Variants in CENPW observed in about 807,000 individuals in gnomAD.
CENPW encodes cancer-up-regulated gene 2 protein.
A neutral mutation model predicts 11.1 loss-of-function variants in CENPW; 3 were observed. The observed-to-expected ratio is 0.27, with a 90% CI of 0.12 to 0.70. CENPW has a LOEUF of 0.70. Ranked by LOEUF, CENPW falls within the 30% of genes least tolerant of loss-of-function variation. The pLI is 0.77. For synonymous variants in CENPW, 38 were observed against 42.0 expected, an observed-to-expected ratio of 0.91 and a Z score of 0.37; for missense variants, 100 against 105.6, an observed-to-expected ratio of 0.95 and a Z score of 0.23.
the CENPW span, among the ~76,000 whole-genome samples, chr6:126,390,551 G>A: frequency 2.0e-5 from 3 of 151,620 alleles, no homozygotes; most frequent in Non-Finnish European, 3.0e-5. Flanking sequence ...TGAAATACTA[G>A]GTTTTATTCA....
At chr6:126,358,918 A>T in the CENPW span, among the ~76,000 whole-genome samples, 5 of 152,106 alleles carry the variant, frequency 3.3e-5, no homozygotes, top group South Asian at 1.0e-3. Context: ...GTACAATTTC[A>T]TTAAGTTCTT....
chr6:126,471,927 T>C, the CENPW span, among the ~76,000 whole-genome samples: 523 of 152,340 alleles, frequency 3.4e-3, 3 homozygotes, highest in Non-Finnish European at 5.9e-3. Context: ...ATGAATCTAA[T>C]GTCAGTTATT....
downstream of CENPW, among the ~76,000 whole-genome samples, chr6:126,349,455 C>G (rs1454475377): frequency 6.6e-6 from 1 of 152,042 alleles, no homozygotes; most frequent in Non-Finnish European, 1.5e-5. Context: ...TGTGTCCTAC[C>G]CTAGCACCAT....
At chr6:126,450,373 GGT>G in the CENPW span, among the ~76,000 whole-genome samples, 740 of 150,988 alleles carry the variant, frequency 4.9e-3, 6 homozygotes, top group African/African-American at 0.017. Context: ...TACCAAATCT[GGT>G]GAGAAACACT....
the CENPW span, among the ~76,000 whole-genome samples, chr6:126,412,071 C>G: frequency 7.4e-6 from 1 of 135,768 alleles, no homozygotes; most frequent in Non-Finnish European, 1.6e-5. Context: ...TCCCTCCCTC[C>G]TTTCTCTCTC....
chr6:126,417,931 C>G, the CENPW span, among the ~76,000 whole-genome samples: 1 of 152,044 alleles, frequency 6.6e-6, no homozygotes, highest in African/African-American at 2.4e-5. Flanking sequence ...ATAAGTAACT[C>G]AAATAATAAA....
chr6:126,364,340 A>G, the CENPW span, among the ~76,000 whole-genome samples: 3 of 152,312 alleles, frequency 2.0e-5, no homozygotes, highest in East Asian at 1.9e-4. Flanking sequence ...AATAATGCAG[A>G]TCATAATTTA....
chr6:126,446,570 A>G, the CENPW span, among the ~76,000 whole-genome samples: 1 of 151,142 alleles, frequency 6.6e-6, no homozygotes, highest in Non-Finnish European at 1.5e-5. Flanking sequence ...GAAACTGTAG[A>G]CTGTCTCTTC....
At chr6:126,371,975 CTTCTT>C in the CENPW span, among the ~76,000 whole-genome samples, 2 of 151,958 alleles carry the variant, frequency 1.3e-5, no homozygotes, top group South Asian at 4.2e-4. Flanking sequence ...GATTGTCTCT[CTTCTT>C]TTCTTGGTTA....
At chr6:126,454,977 G>T in the CENPW span, among the ~76,000 whole-genome samples, 53 of 151,234 alleles carry the variant, frequency 3.5e-4, no homozygotes, top group African/African-American at 1.1e-3. Flanking sequence ...TAGAAGAAAT[G>T]ATAAATTCCT....
At chr6:126,451,455 A>G in the CENPW span, among the ~76,000 whole-genome samples, 1 of 151,136 alleles carries the variant, frequency 6.6e-6, no homozygotes, top group Admixed American at 6.6e-5. Context: ...ATCTCTAGGA[A>G]AAGCCCTCTA....
At chr6:126,340,916 C>T (rs1780294808) in intron 1 of CENPW, among the ~76,000 whole-genome samples, 1 of 152,128 alleles carries the variant, frequency 6.6e-6, no homozygotes, top group Non-Finnish European at 1.5e-5. Context: ...CGCATTTAAC[C>T]AAACATTGCC....
the CENPW span, among the ~76,000 whole-genome samples, chr6:126,387,218 CTT>C: frequency 1.3e-5 from 2 of 151,682 alleles, no homozygotes; most frequent in Admixed American, 6.6e-5. Context: ...TTATTATAAT[CTT>C]TTTTTGGATA....
chr6:126,470,660 A>G, the CENPW span, among the ~76,000 whole-genome samples: 2 of 152,248 alleles, frequency 1.3e-5, no homozygotes, highest in African/African-American at 4.8e-5. Context: ...ACTCAACACC[A>G]GCCCATAAAA....
chr6:126,379,804 A>G, the CENPW span, among the ~76,000 whole-genome samples: 1 of 152,236 alleles, frequency 6.6e-6, no homozygotes, highest in Admixed American at 6.5e-5. Flanking sequence ...AGAAAAATCA[A>G]ACGAATTAAA....
At chr6:126,353,853 C>G (rs953880071), downstream of CENPW, among the ~76,000 whole-genome samples, 5 of 151,998 alleles carry the variant, frequency 3.3e-5, no homozygotes, top group Non-Finnish European at 5.9e-5. Context: ...TCATCTGTTT[C>G]ATCTGCTCTC....
chr6:126,423,444 G>A, the CENPW span, among the ~76,000 whole-genome samples: 1 of 152,098 alleles, frequency 6.6e-6, no homozygotes, highest in Non-Finnish European at 1.5e-5. Context: ...ATACAAAAAT[G>A]CTGCCAAATA....
the CENPW span, among the ~76,000 whole-genome samples, chr6:126,387,606 C>T: frequency 1.3e-3 from 193 of 151,952 alleles, 1 homozygote; most frequent in East Asian, 0.015. Context: ...GCAAAGAAGA[C>T]ATGAATCAGT....
the CENPW span, among the ~76,000 whole-genome samples, chr6:126,421,662 A>G: frequency 2.0e-5 from 3 of 150,330 alleles, no homozygotes; most frequent in South Asian, 2.1e-4. Context: ...TTTTTCCCCT[A>G]GTCTTTCTGC....
Sources: allele counts gnomAD v4.1 joint callset (sites outside exome capture counted in the v4.1 genomes callset), GRCh38; gene constraint gnomAD v4.1.1; transcripts MANE v1.5; gene names NCBI Gene and HGNC (gene_info 2026-07-23, HGNC 2026-07-21).